The following MAML2 variants were observed in gnomAD, a reference collection of about 807,000 sequenced individuals.
MAML2 encodes the protein mastermind-like protein 2.
MAML2 carries 22 observed loss-of-function variants against 96.1 expected under a neutral mutation model. The ratio of observed to expected loss-of-function variants is 0.23; its 90% confidence interval spans 0.16 to 0.33. The LOEUF (loss-of-function observed/expected upper bound fraction) is 0.33, where lower values mean the gene tolerates loss of function less well. MAML2 is among the 10% of genes least tolerant of loss of function. The pLI is 1.00. For synonymous variants in MAML2, 561 were observed against 521.3 expected (o/e 1.08, Z -1.04); for missense variants, 1,367 against 1,392.4 (o/e 0.98, Z 0.29).
chr11:96,077,239 T>TTTTTA lies in MAML2; in HGVS notation c.2139+14652_2139+14653insTAAAA, dbSNP rs375340984. Reference sequence around the variant, plus strand: ...TCTCTCTTTTTTTTTTTTTTTTTTTTAAAGACAGTCTCGCTCTGTCACCCA... The same window carrying TTTTTA: ...TCTCTCTTTTTTTTTTTTTTTTTTTTTTTTAAAAGACAGTCTCGCTCTGTCACCCA... On this transcript the variant is annotated intron_variant, in intron 2 of 4. Coordinates refer to ENST00000524717, the MANE Select transcript of MAML2 (RefSeq NM_032427.4). Among the ~76,000 whole-genome samples, 11 of 148,572 alleles carry TTTTTA rather than the reference T, an allele frequency of 7.4e-5. 1 individual carries two copies. The South Asian group carries it at 2.4e-3, about 32-fold the overall frequency.
intron 2 of MAML2, among the ~76,000 whole-genome samples, chr11:96,064,731 G>C (rs1174010981): frequency 6.6e-6 from 1 of 152,192 alleles, no homozygotes; most frequent in Non-Finnish European, 1.5e-5. Context: ...AATGTGGAGG[G>C]TAACAGTATC....
chr11:96,010,383 TC>T (rs1858247886), intron 2 of MAML2, among the ~76,000 whole-genome samples: 1 of 152,174 alleles, frequency 6.6e-6, no homozygotes, highest in African/African-American at 2.4e-5. Context: ...GATTGGCCAT[TC>T]CCCAGTCCCT....
At chr11:96,275,372 A>G (rs1421813033) in intron 1 of MAML2, among the ~76,000 whole-genome samples, 1 of 138,118 alleles carries the variant, frequency 7.2e-6, no homozygotes, top group Non-Finnish European at 1.5e-5. Context: ...CTGCCTCCTG[A>G]GTTCACACCA....
chr11:96,283,422 A>G (rs1339139234), intron 1 of MAML2, among the ~76,000 whole-genome samples: 1 of 152,252 alleles, frequency 6.6e-6, no homozygotes, highest in South Asian at 2.1e-4. Flanking sequence ...AAGAATATCA[A>G]GAAACCATGA....
chr11:96,097,333 G>T (rs917248696), intron 1 of MAML2, among the ~76,000 whole-genome samples: 1 of 152,168 alleles, frequency 6.6e-6, no homozygotes, highest in African/African-American at 2.4e-5. Flanking sequence ...AGAGAATAAA[G>T]GCAAGGGTTT....
intron 2 of MAML2, among the ~76,000 whole-genome samples, chr11:96,003,844 T>C (rs1858135986): frequency 6.6e-6 from 1 of 152,094 alleles, no homozygotes; most frequent in South Asian, 2.1e-4. Flanking sequence ...CAATTTCTGA[T>C]CATCAGATAG....
intron 1 of MAML2, among the ~76,000 whole-genome samples, chr11:96,304,895 T>G (rs1863443053): frequency 6.6e-6 from 1 of 152,208 alleles, no homozygotes; most frequent in Non-Finnish European, 1.5e-5. Flanking sequence ...TTTGAGAAGC[T>G]CCTGACTCAA....
At chr11:96,118,639 A>G (rs1022290673) in intron 1 of MAML2, among the ~76,000 whole-genome samples, 1 of 152,212 alleles carries the variant, frequency 6.6e-6, no homozygotes, top group African/African-American at 2.4e-5. Context: ...AGACATGAAA[A>G]GGGCTAACAG....
chr11:96,207,282 C>T (rs895407546), intron 1 of MAML2, among the ~76,000 whole-genome samples: 4 of 152,136 alleles, frequency 2.6e-5, no homozygotes, highest in African/African-American at 9.7e-5. Context: ...TCTTTTAAGC[C>T]TCTTAAAGGT....
At position 96,007,165 on chromosome 11, in the gene MAML2, GT is replaced by G. The variant is rs1452052969; in HGVS notation, c.2140-15443del. Among the ~76,000 whole-genome samples, 584 of 140,424 alleles carry G rather than the reference GT, an allele frequency of 4.2e-3. 5 individuals are homozygous for G. The South Asian group carries it at 0.043, about 10-fold the overall frequency. The allele number at this position is 140,424 out of a possible 152,430, so 92.1% of individuals were successfully genotyped here. A position where few individuals can be genotyped will look rare whatever the true frequency, so the allele number is the denominator to read the frequency against. ...ATACAGGAGCGTACCACCATGTCCA[GT>G]TAATTTTTTTTTTTTTTTTGTATTT... On this transcript the variant is annotated intron_variant, in intron 2 of 4. Coordinates refer to ENST00000524717, the MANE Select transcript of MAML2 (RefSeq NM_032427.4).
chr11:96,053,978 T>C (rs544394114), intron 2 of MAML2, among the ~76,000 whole-genome samples: 42 of 152,216 alleles, frequency 2.8e-4, no homozygotes, highest in African/African-American at 1.0e-3. Context: ...GAGCTCTTCA[T>C]GTAAGAAATA....
intron 1 of MAML2, among the ~76,000 whole-genome samples, chr11:96,150,610 C>T (rs1176104490): frequency 1.3e-5 from 2 of 152,146 alleles, no homozygotes; most frequent in African/African-American, 4.8e-5. Flanking sequence ...GGGACATGCT[C>T]AAAGCACCCA....
intron 1 of MAML2, among the ~76,000 whole-genome samples, chr11:96,189,159 T>G (rs1861617052): frequency 6.6e-6 from 1 of 151,930 alleles, no homozygotes; most frequent in African/African-American, 2.4e-5. Context: ...ATACAAGAGG[T>G]GATTTGCCTC....
At chr11:96,181,321 A>C (rs946220249) in intron 1 of MAML2, among the ~76,000 whole-genome samples, 1 of 152,172 alleles carries the variant, frequency 6.6e-6, no homozygotes, top group African/African-American at 2.4e-5. Flanking sequence ...ATAAGGCAGG[A>C]GCTGCTTAGC....
In MAML2 at chr11:96,328,581, C is replaced by T. The variant is rs77603725; in HGVS notation, c.513+12802G>A. ...GATCGTACGAGTCATAAAGAAGTGA[C>T]TGGAAGAGCTGTGCTCTAACTGAAT... On this transcript the variant is annotated intron_variant, in intron 1 of 4. Transcript: ENST00000524717. Among the ~76,000 whole-genome samples the T allele has an allele frequency of 4.1e-3, 621 of 152,164 alleles. 7 individuals are homozygous for T. Among genetic ancestry groups the T allele is most frequent in the African/African-American group, 0.015 (609 of 41,516 alleles).
At chr11:96,229,949 A>G (rs1862268422) in intron 1 of MAML2, among the ~76,000 whole-genome samples, 1 of 152,200 alleles carries the variant, frequency 6.6e-6, no homozygotes, top group Admixed American at 6.5e-5. Flanking sequence ...TCTTACACAG[A>G]AAAGTACTAT....
At chr11:96,157,835 T>C (rs1861036867) in intron 1 of MAML2, among the ~76,000 whole-genome samples, 1 of 152,212 alleles carries the variant, frequency 6.6e-6, no homozygotes, top group Non-Finnish European at 1.5e-5. Context: ...GTATTTGCTG[T>C]TTATATTGCC....
At chr11:96,030,076 A>T (rs564055682) in intron 2 of MAML2, among the ~76,000 whole-genome samples, 16 of 152,262 alleles carry the variant, frequency 1.1e-4, no homozygotes, top group African/African-American at 3.9e-4. Flanking sequence ...TGCTAAAAAT[A>T]CAAAAAATTA....
intron 2 of MAML2, among the ~76,000 whole-genome samples, chr11:96,037,202 C>CA (rs756374053): frequency 2.4e-3 from 345 of 144,490 alleles, no homozygotes; most frequent in Middle Eastern, 0.018. Context: ...AAAACAACAA[C>CA]AACAAAAAAA....
Sources: allele counts gnomAD v4.1 joint callset (sites outside exome capture counted in the v4.1 genomes callset), GRCh38; gene constraint gnomAD v4.1.1; transcripts MANE v1.5; gene names NCBI Gene and HGNC (gene_info 2026-07-23, HGNC 2026-07-21).